PTDSS2: variants seen among roughly 807,000 people sequenced by gnomAD.
PTDSS2 encodes the protein PSS-2.
In PTDSS2, 41 loss-of-function variants were observed where a neutral mutation model predicts 64.7. The observed-to-expected ratio is 0.63, with a 90% CI of 0.49 to 0.82. The LOEUF (loss-of-function observed/expected upper bound fraction) is 0.82. Ranked by LOEUF, PTDSS2 falls within the 40% of genes least tolerant of loss-of-function variation. The pLI, the probability that PTDSS2 is intolerant of heterozygous loss-of-function variation, is 0.00. For synonymous variants in PTDSS2, 297 were observed against 277.8 expected (o/e 1.07, Z -0.69); for missense variants, 485 against 650.0 (o/e 0.75, Z 2.76).
intron 5 of PTDSS2, 148 bp from the exon 6 acceptor site, chr11:487,272 G>A: frequency 1.1e-6 from 1 of 930,910 alleles, no homozygotes; most frequent in East Asian, 2.4e-5. Context: ...TCGTGGACGT[G>A]GTCTCCACAG....
At chr11:490,204 G>A (rs1848608283) in intron 11 of PTDSS2, 136 bp downstream of exon 11, 10 of 1,175,498 alleles carry the variant, frequency 8.5e-6, no homozygotes, top group Non-Finnish European at 1.2e-6. Context: ...TGCGGGAGGC[G>A]CCTTTCCTGA....
At chr11:456,132 G>A (rs1272916688) in intron 1 of PTDSS2, among the ~76,000 whole-genome samples, 1 of 146,990 alleles carries the variant, frequency 6.8e-6, no homozygotes, top group Non-Finnish European at 1.5e-5. Context: ...AAACCTGCTT[G>A]TTGTTTTGGT....
intron 1 of PTDSS2, among the ~76,000 whole-genome samples, chr11:454,213 G>T (rs1846480416): frequency 6.6e-6 from 1 of 152,154 alleles, no homozygotes; most frequent in African/African-American, 2.4e-5. Context: ...TGTGCCTGGT[G>T]CCCTTTCTCT....
chr11:486,810 T>C, intron 4 of PTDSS2, 129 bp from the exon 5 acceptor site: 1 of 1,256,530 alleles, frequency 8.0e-7, no homozygotes, highest in Non-Finnish European at 1.1e-6. Context: ...TTCACGCCAC[T>C]GCATTCCAGC....
At chr11:454,961 G>A (rs1846518829) in intron 1 of PTDSS2, among the ~76,000 whole-genome samples, 1 of 151,338 alleles carries the variant, frequency 6.6e-6, no homozygotes, top group African/African-American at 2.4e-5. Context: ...CTGTATCTGG[G>A]AGATGCTGAC....
At chr11:482,011 T>G (rs1293538073) in intron 4 of PTDSS2, among the ~76,000 whole-genome samples, 2 of 148,180 alleles carry the variant, frequency 1.3e-5, no homozygotes, top group African/African-American at 5.0e-5. Context: ...CCCAGCTAAT[T>G]TTTTTTTTTT....
chr11:487,621 T>C (rs1848452750), intron 6 of PTDSS2, 151 bp downstream of exon 6: 1 of 737,184 alleles, frequency 1.4e-6, no homozygotes, highest in East Asian at 2.6e-5. Context: ...CGAGAAGCCG[T>C]GGGGCTCCCG....
At chr11:471,406 T>C (rs1847423053) in intron 2 of PTDSS2, among the ~76,000 whole-genome samples, 2 of 152,266 alleles carry the variant, frequency 1.3e-5, no homozygotes, top group Non-Finnish European at 2.9e-5. Context: ...GTAATTCTTA[T>C]GAACAAATTA....
intron 2 of PTDSS2, among the ~76,000 whole-genome samples, chr11:471,919 G>A (rs937917322): frequency 8.8e-6 from 1 of 113,576 alleles, no homozygotes; most frequent in Non-Finnish European, 1.8e-5. Context: ...CGCACCTGTC[G>A]GGCAGATGGT....
In PTDSS2 at chr11:488,313, G is replaced by A. The variant is rs762150069; in HGVS notation, c.735+1G>A. 8.1e-6 allele frequency: 13 copies of A among 1,609,274 alleles called. No individual in the cohort carries two copies. Among genetic ancestry groups the A allele is most frequent in the East Asian group, 2.2e-5 (1 of 44,868 alleles). ...CTTCAGCGAGTGCTGGTGGGATCAC[G>A]TAGGTGCCAGCACAGCCCCCGGGGC... On this transcript the variant is annotated splice_donor_variant, in intron 7 of 11. Coordinates refer to ENST00000308020, the MANE Select transcript of PTDSS2 (RefSeq NM_030783.3). LOFTEE classifies it high-confidence loss of function.
intron 2 of PTDSS2, among the ~76,000 whole-genome samples, chr11:472,258 G>A (rs113370345): frequency 3.3e-5 from 5 of 152,280 alleles, no homozygotes; most frequent in African/African-American, 9.6e-5. Flanking sequence ...CCCTCCCCAC[G>A]CCCCTTGGAG....
chr11:457,533 A>G (rs1564961096), intron 1 of PTDSS2, among the ~76,000 whole-genome samples: 2 of 152,162 alleles, frequency 1.3e-5, no homozygotes, highest in Admixed American at 6.5e-5. Flanking sequence ...GGGCCTCCCA[A>G]GGGGCGTGTC....
chr11:461,483 C>G lies in PTDSS2; in HGVS notation c.284+1195C>G, dbSNP rs1353093052. Among the ~76,000 whole-genome samples the G allele has an allele frequency of 6.6e-6, 1 of 152,112 alleles. No individual in the cohort carries two copies. The highest frequency in any genetic ancestry group is 2.4e-5 in the African/African-American group (1 of 41,410). On this transcript the variant is annotated intron_variant, in intron 2 of 11. Transcript: ENST00000308020. This position sits in a 1 kb window ranked among gnomAD's most constrained non-coding sequence, Gnocchi z 4.2. ...GGTGCCTGGACCCAGGACTCTGCAG[C>G]CTGCTCCCCAGATGAGCTCACCCTC...
chr11:478,267 A>G (rs73399659), intron 3 of PTDSS2, among the ~76,000 whole-genome samples: 3,860 of 151,402 alleles, frequency 0.025, 163 homozygotes, highest in African/African-American at 0.089. Flanking sequence ...CCTGGGCAAC[A>G]TGTCGAAACC....
In PTDSS2 at chr11:470,226, T is replaced by A. The variant is rs944645744; in HGVS notation, c.285-3669T>A. ...GACACCCCCAAGCCCAGTGGTCAGG[T>A]CAGCATGCACTGGTCATGTTCATGG... is the stretch of plus-strand genomic sequence containing the variant. On this transcript the variant is annotated intron_variant, in intron 2 of 11. Transcript: ENST00000308020. This position sits in a 1 kb window ranked among gnomAD's most constrained non-coding sequence, Gnocchi z 5.3. 1.3e-5 allele frequency among the ~76,000 whole-genome samples: 2 copies of A among 152,134 alleles called. No homozygotes were observed. The highest frequency in any genetic ancestry group is 4.8e-5 in the African/African-American group (2 of 41,428).
chr11:450,763 T>G (rs55768561), intron 1 of PTDSS2, 126 bp downstream of exon 1: 164,806 of 857,700 alleles, frequency 0.19, 17,290 homozygotes, highest in African/African-American at 0.39. Flanking sequence ...TGGCCGGGGG[T>G]TTGAGGGTGT....
At chr11:454,328 CAG>C (rs1846485826) in intron 1 of PTDSS2, among the ~76,000 whole-genome samples, 1 of 152,162 alleles carries the variant, frequency 6.6e-6, no homozygotes, top group Admixed American at 6.5e-5. Flanking sequence ...ACCTCAATGA[CAG>C]TGTGCACATT....
At chr11:483,877 C>T (rs546563484) in intron 4 of PTDSS2, among the ~76,000 whole-genome samples, 12 of 152,278 alleles carry the variant, frequency 7.9e-5, no homozygotes, top group Middle Eastern at 3.4e-3. Flanking sequence ...ATCACCATGA[C>T]GTATCCCTGG....
intron 1 of PTDSS2, chr11:458,973 A>G (rs892740189): frequency 2.0e-5 from 3 of 152,300 alleles, no homozygotes; most frequent in African/African-American, 4.8e-5. Flanking sequence ...CCATTTAGAT[A>G]TGAGGAAACT....
Sources: allele counts gnomAD v4.1 joint callset (sites outside exome capture counted in the v4.1 genomes callset), GRCh38; gene constraint gnomAD v4.1.1; non-coding constraint Gnocchi (gnomAD v3.1); transcripts MANE v1.5; gene names NCBI Gene and HGNC (gene_info 2026-07-23, HGNC 2026-07-21).